Variants in MYBPC1 observed in about 807,000 individuals in gnomAD.
MYBPC1 encodes the protein myosin-binding protein C, slow-type.
A neutral mutation model predicts 147.1 loss-of-function variants in MYBPC1; 52 were observed. That is an observed-to-expected ratio of 0.35 (90% confidence interval 0.28 to 0.45). The LOEUF (loss-of-function observed/expected upper bound fraction) is 0.45. MYBPC1 is among the 20% of genes least tolerant of loss of function. The probability of loss-of-function intolerance (pLI) is 1.00; values close to 1 mark genes in which losing one functional copy is unlikely to be tolerated. For synonymous variants in MYBPC1, 477 were observed against 475.9 expected, an observed-to-expected ratio of 1.00 and a Z score of -0.03; for missense variants, 1,228 against 1,440.3, an observed-to-expected ratio of 0.85 and a Z score of 2.39.
chr12:101,608,061 G>C (rs1882928519), intron 1 of MYBPC1, among the ~76,000 whole-genome samples: 1 of 152,216 alleles, frequency 6.6e-6, no homozygotes, highest in Admixed American at 6.5e-5. Context: ...CCTTGGCACA[G>C]GCTGTGCAGG....
At position 101,610,746 on chromosome 12, in the gene MYBPC1, T is replaced by TA. The variant is rs1160987716; in HGVS notation, c.26-3748dup. On this transcript the variant is annotated intron_variant, in intron 1 of 31. Coordinates refer to ENST00000361466, the MANE Select transcript of MYBPC1 (RefSeq NM_002465.4). ...ATATGAGGTTATGTGGTCTTGAGAA[T>TA]AAGACCAAGCAATTCAGTGGGGAAA... Among the ~76,000 whole-genome samples the TA allele has an allele frequency of 2.0e-5, 3 of 152,192 alleles. No individual in the cohort carries two copies. The East Asian group carries it at 5.8e-4, about 29-fold the overall frequency.
At chr12:101,679,864 T>A (rs916541303) in intron 28 of MYBPC1, among the ~76,000 whole-genome samples, 7 of 152,234 alleles carry the variant, frequency 4.6e-5, no homozygotes, top group African/African-American at 1.7e-4. Flanking sequence ...CATGGACCTA[T>A]GGATGACATT....
chr12:101,676,553 G>C (rs936653228), intron 26 of MYBPC1, among the ~76,000 whole-genome samples: 8 of 152,114 alleles, frequency 5.3e-5, no homozygotes, highest in African/African-American at 1.9e-4. Context: ...CCAGGAGTTT[G>C]AGACCAGCCT....
chr12:101,688,618 C>T (rs1330851312), downstream of MYBPC1, among the ~76,000 whole-genome samples: 1 of 140,880 alleles, frequency 7.1e-6, no homozygotes, highest in Non-Finnish European at 1.6e-5. Flanking sequence ...TATTGAATGT[C>T]TGATATCTGC....
chr12:101,689,780 C>G (rs1021375564), downstream of MYBPC1, among the ~76,000 whole-genome samples: 7 of 152,156 alleles, frequency 4.6e-5, no homozygotes, highest in Admixed American at 3.3e-4. Context: ...CAGAGTGGTT[C>G]CTCCACCCAA....
Position 101,662,515 on chromosome 12 carries a change from C to T in MYBPC1, c.2190C>T (p.Pro730=), listed in dbSNP as rs1280030030. Residue 730 remains proline, a synonymous_variant, in exon 21 of 32, where the codon CCC becomes CCT. Transcript: ENST00000361466. ...TCAATGCCATTGGCATCTCCAAGCC[C>T]AGTATGCCCTCCAGGCCTTTTGTTC... The part of the protein sequence containing the change: ...FAVNAIGISK[P]SMPSRPFVPL... 1 of 1,614,180 alleles carries T rather than the reference C, an allele frequency of 6.2e-7. No individual in the cohort carries two copies. Among genetic ancestry groups the T allele is most frequent in the Non-Finnish European group, 8.5e-7 (1 of 1,180,010 alleles).
At chr12:101,610,363 G>A (rs929841085) in intron 1 of MYBPC1, among the ~76,000 whole-genome samples, 3 of 152,092 alleles carry the variant, frequency 2.0e-5, no homozygotes, top group Admixed American at 6.6e-5. Context: ...TTTACAGTAG[G>A]GGTATGAGGG....
chr12:101,677,300 G>C lies in MYBPC1; in HGVS notation c.3015G>C (p.Gly1005=). The C allele has an allele frequency of 6.2e-7, 1 of 1,613,856 alleles. No homozygotes were observed. Among genetic ancestry groups the C allele is most frequent in the South Asian group, 1.1e-5 (1 of 91,064 alleles). ...CCACCATTACTGAATTGGTCATAGG[G>C]AATGAATATTACTTCCGGGTCTTTT... ...TSATITELVI[G]NEYYFRVFSE... is the part of the protein sequence containing the mutation. Residue 1005 remains glycine (G), a synonymous_variant, in exon 27 of 32, where the codon GGG becomes GGC. Transcript: ENST00000361466.
intron 12 of MYBPC1, 83 bp from the exon 13 acceptor site, chr12:101,646,680 T>C: frequency 2.0e-6 from 3 of 1,521,786 alleles, no homozygotes; most frequent in South Asian, 1.2e-5. Flanking sequence ...CACTACCAAA[T>C]TATAAGCCAA....
the MYBPC1 span, among the ~76,000 whole-genome samples, chr12:101,693,910 C>T: frequency 6.6e-6 from 1 of 152,120 alleles, no homozygotes; most frequent in African/African-American, 2.4e-5. Flanking sequence ...TTGATCATGG[C>T]CTTCAGAAGA....
intron 22 of MYBPC1, chr12:101,666,574 T>C: frequency 1.5e-6 from 1 of 656,472 alleles, no homozygotes; most frequent in Non-Finnish European, 2.8e-6. Flanking sequence ...GGCTGTGCTC[T>C]CCTGAGGAAC....
downstream of MYBPC1, among the ~76,000 whole-genome samples, chr12:101,690,953 A>G (rs1354625942): frequency 1.3e-5 from 2 of 152,222 alleles, no homozygotes; most frequent in African/African-American, 4.8e-5. Context: ...CCATAAAACT[A>G]TGCTTATCAC....
chr12:101,613,319 G>A (rs1884928803), intron 1 of MYBPC1, among the ~76,000 whole-genome samples: 1 of 152,126 alleles, frequency 6.6e-6, no homozygotes. Context: ...TGCTTGTTAT[G>A]GGGCATCGTC....
intron 22 of MYBPC1, among the ~76,000 whole-genome samples, chr12:101,665,596 C>G (rs970936057): frequency 2.0e-5 from 3 of 152,108 alleles, no homozygotes; most frequent in Non-Finnish European, 4.4e-5. Context: ...TGTTAAATAA[C>G]TTACATGTTC....
intron 3 of MYBPC1, among the ~76,000 whole-genome samples, chr12:101,621,613 G>A (rs1016602320): frequency 6.6e-6 from 1 of 152,006 alleles, no homozygotes; most frequent in African/African-American, 2.4e-5. Context: ...TTCACTGTTT[G>A]TTTACAAGTC....
In MYBPC1 at chr12:101,631,556, T is replaced by C. The variant is rs1205315323; in HGVS notation, c.290-15T>C. ...CTTGTTAAAGAGCAAGCTGAATCCCTTATGCTTCTTCTAGGTGAAGATATC... is the reference window on the plus strand; with the variant it reads ...CTTGTTAAAGAGCAAGCTGAATCCCCTATGCTTCTTCTAGGTGAAGATATC... On this transcript the variant is annotated splice_polypyrimidine_tract_variant and intron_variant, in intron 6 of 31. Transcript: ENST00000361466. The C allele has an allele frequency of 6.2e-7, 1 of 1,613,506 alleles. No homozygotes were observed. Among genetic ancestry groups the C allele is most frequent in the Non-Finnish European group, 8.5e-7 (1 of 1,179,690 alleles).
At chr12:101,693,328 T>C in the MYBPC1 span, among the ~76,000 whole-genome samples, 1 of 152,174 alleles carries the variant, frequency 6.6e-6, no homozygotes, top group Non-Finnish European at 1.5e-5. Context: ...GATATATAGT[T>C]ACATAGATTG....
At chr12:101,663,830 T>C (rs918579817) in intron 22 of MYBPC1, among the ~76,000 whole-genome samples, 17 of 152,148 alleles carry the variant, frequency 1.1e-4, no homozygotes, top group Non-Finnish European at 2.5e-4. Context: ...GTAACAAAAC[T>C]TTGGGGACTT....
At chr12:101,609,004 A>C (rs1408101336) in intron 1 of MYBPC1, among the ~76,000 whole-genome samples, 2 of 152,056 alleles carry the variant, frequency 1.3e-5, no homozygotes, top group African/African-American at 4.8e-5. Flanking sequence ...GCTTTTGTGC[A>C]GGGAGGAACA....
Sources: allele counts gnomAD v4.1 joint callset (sites outside exome capture counted in the v4.1 genomes callset), GRCh38; gene constraint gnomAD v4.1.1; transcripts MANE v1.5; gene names NCBI Gene and HGNC (gene_info 2026-07-23, HGNC 2026-07-21).